Variants in BABAM2 observed in about 807,000 individuals in gnomAD.
The protein encoded by BABAM2 is BRISC and BRCA1 A complex member 2.
In BABAM2, 31 loss-of-function variants were observed where a neutral mutation model predicts 54.7. That is an observed-to-expected ratio of 0.57 (90% CI 0.43 to 0.77). The LOEUF is 0.77. Among genes scored for constraint, BABAM2 ranks in the 30% least tolerant of loss-of-function variants. The pLI is 0.00. For synonymous variants in BABAM2, 167 were observed against 162.9 expected (o/e 1.03, Z -0.19); for missense variants, 364 against 455.8 (o/e 0.80, Z 1.83).
At chr2:28,026,875 TATATATATATAG>T (rs1337033260) in intron 5 of BABAM2, among the ~76,000 whole-genome samples, 4 of 47,174 alleles carry the variant, frequency 8.5e-5, no homozygotes, top group African/African-American at 3.0e-4. Context: ...TATATATATT[TATATATATATAG>T]ATATATATAA....
At chr2:28,026,931 T>TAGATTA in intron 5 of BABAM2, among the ~76,000 whole-genome samples, 1 of 11,156 alleles carries the variant, frequency 9.0e-5, no homozygotes, top group Non-Finnish European at 5.4e-4. Flanking sequence ...TATATAAATA[T>TAGATTA]ATATATAAAT....
chr2:28,119,373 C>T (rs576139512), intron 6 of BABAM2, among the ~76,000 whole-genome samples: 1 of 152,298 alleles, frequency 6.6e-6, no homozygotes, highest in South Asian at 2.1e-4. Flanking sequence ...CCTGGCTATA[C>T]TACAAAGGAT....
chr2:27,912,779 C>T (rs942209847), intron 2 of BABAM2, among the ~76,000 whole-genome samples: 2 of 152,178 alleles, frequency 1.3e-5, no homozygotes, highest in South Asian at 4.1e-4. Context: ...GGAATGAATC[C>T]AAGAATATGT....
chr2:28,113,340 A>G (rs1220038499), intron 6 of BABAM2, among the ~76,000 whole-genome samples: 3 of 152,168 alleles, frequency 2.0e-5, no homozygotes, highest in Admixed American at 2.0e-4. Flanking sequence ...TATAAGGTGT[A>G]AGGAAGGGTT....
At chr2:28,302,804 T>G (rs990489290) in intron 11 of BABAM2, among the ~76,000 whole-genome samples, 29 of 152,232 alleles carry the variant, frequency 1.9e-4, no homozygotes, top group African/African-American at 7.0e-4. Flanking sequence ...TCTCATGTTT[T>G]TAATTTACAT....
At chr2:28,072,602 G>C (rs1160833884) in intron 6 of BABAM2, among the ~76,000 whole-genome samples, 2 of 152,050 alleles carry the variant, frequency 1.3e-5, no homozygotes, top group African/African-American at 4.8e-5. Flanking sequence ...AGCCAGGATG[G>C]TCTCGATCTC....
chr2:28,080,313 A>G (rs1038959145), intron 6 of BABAM2, among the ~76,000 whole-genome samples: 1 of 152,202 alleles, frequency 6.6e-6, no homozygotes, highest in Admixed American at 6.5e-5. Context: ...TGTACCATCC[A>G]GCATTTCAGA....
intron 11 of BABAM2, among the ~76,000 whole-genome samples, chr2:28,323,211 G>A (rs1690178322): frequency 6.6e-6 from 1 of 152,210 alleles, no homozygotes; most frequent in Admixed American, 6.5e-5. Context: ...GCCCATGAGT[G>A]TGTGAATATT....
At chr2:27,921,639 G>A (rs1667354952) in intron 2 of BABAM2, among the ~76,000 whole-genome samples, 1 of 152,126 alleles carries the variant, frequency 6.6e-6, no homozygotes, top group African/African-American at 2.4e-5. Context: ...GGTAATAACA[G>A]CACCTATCTT....
intron 6 of BABAM2, among the ~76,000 whole-genome samples, chr2:28,049,849 G>C (rs1398846022): frequency 6.6e-6 from 1 of 152,206 alleles, no homozygotes; most frequent in Non-Finnish European, 1.5e-5. Context: ...TAACATGGAA[G>C]AGAGCATCTA....
chr2:28,295,994 G>A (rs980606755), intron 10 of BABAM2, among the ~76,000 whole-genome samples: 1 of 152,052 alleles, frequency 6.6e-6, no homozygotes, highest in Non-Finnish European at 1.5e-5. Context: ...CTGTAATCCC[G>A]GCTACTTGGG....
Position 28,094,866 on chromosome 2 carries a change from C to T in BABAM2, c.571-34405C>T, listed in dbSNP as rs137861763. 4.1e-3 allele frequency among the ~76,000 whole-genome samples: 620 copies of T among 151,032 alleles called. 1 individual carries two copies. The highest frequency in any genetic ancestry group is 7.0e-3 in the Non-Finnish European group (473 of 67,854). On this transcript the variant is annotated intron_variant, in intron 6 of 11. Transcript: ENST00000379624. ...ATCTCAGTGTTTTTACTTAACAATG[C>T]ATCTTGGCAATCTTTTCATACCACT...
chr2:28,101,197 G>A (rs1558335515), intron 6 of BABAM2, among the ~76,000 whole-genome samples: 1 of 152,148 alleles, frequency 6.6e-6, no homozygotes, highest in South Asian at 2.1e-4. Flanking sequence ...AAGCGATGAA[G>A]CTATGATTCT....
intron 6 of BABAM2, among the ~76,000 whole-genome samples, chr2:28,057,734 A>G (rs182358369): frequency 7.2e-5 from 11 of 152,350 alleles, no homozygotes; most frequent in African/African-American, 2.4e-4. Context: ...CTTAATTATT[A>G]AGAAAAGTAC....
At chr2:28,241,507 T>A (rs1226608991) in intron 9 of BABAM2, 114 bp downstream of exon 9, 1 of 1,003,514 alleles carries the variant, frequency 1.0e-6, no homozygotes, top group Non-Finnish European at 1.5e-6. Flanking sequence ...GATACCTTTT[T>A]TTTTTTTGAG....
chr2:28,306,852 A>G (rs1334134161), intron 11 of BABAM2, among the ~76,000 whole-genome samples: 1 of 150,286 alleles, frequency 6.7e-6, no homozygotes, highest in East Asian at 2.0e-4. Flanking sequence ...TCGCGCCACT[A>G]TTGCCTGGCT....
intron 5 of BABAM2, among the ~76,000 whole-genome samples, chr2:28,032,635 TG>T (rs1311545632): frequency 6.6e-6 from 1 of 152,154 alleles, no homozygotes; most frequent in Non-Finnish European, 1.5e-5. Flanking sequence ...GGTTTTATAA[TG>T]TTTAAGAAAT....
At position 28,322,156 on chromosome 2, in the gene BABAM2, A is replaced by G. The variant is rs1486563524; in HGVS notation, c.1089-16294A>G. 6.6e-6 allele frequency among the ~76,000 whole-genome samples: 1 copy of G among 152,052 alleles called. No individual in the cohort carries two copies. Among genetic ancestry groups the G allele is most frequent in the Non-Finnish European group, 1.5e-5 (1 of 68,018 alleles). Reference sequence around the variant, plus strand: ...GAAGCCTCCAGTGTTTATACCACTGAGACTGGGGCAGAGTAGTCTGGAGTG... The same window carrying G: ...GAAGCCTCCAGTGTTTATACCACTGGGACTGGGGCAGAGTAGTCTGGAGTG... On this transcript the variant is annotated intron_variant, in intron 11 of 11. Transcript: ENST00000379624. The surrounding 1 kb of genome is among the most constrained non-coding windows in gnomAD (Gnocchi z 4.1).
chr2:28,169,082 A>G (rs1032631336), intron 7 of BABAM2, among the ~76,000 whole-genome samples: 1 of 152,188 alleles, frequency 6.6e-6, no homozygotes, highest in African/African-American at 2.4e-5. Context: ...TTATGGGCTT[A>G]TTTAAAACTT....
Sources: allele counts gnomAD v4.1 joint callset (sites outside exome capture counted in the v4.1 genomes callset), GRCh38; gene constraint gnomAD v4.1.1; non-coding constraint Gnocchi (gnomAD v3.1); transcripts MANE v1.5; gene names NCBI Gene and HGNC (gene_info 2026-07-23, HGNC 2026-07-21).